PCDHA3: variants seen among roughly 807,000 people sequenced by gnomAD.
The protein encoded by PCDHA3 is protocadherin alpha-3.
In PCDHA3, 41 loss-of-function variants were observed where a neutral mutation model predicts 62.2. The observed-to-expected ratio is 0.66, with a 90% CI of 0.51 to 0.86. The LOEUF (loss-of-function observed/expected upper bound fraction) is 0.86, where lower values mean the gene tolerates loss of function less well. Ranked by LOEUF, PCDHA3 falls within the 40% of genes least tolerant of loss-of-function variation. The probability of loss-of-function intolerance (pLI) is 0.00; values close to 1 mark genes in which losing one functional copy is unlikely to be tolerated. For missense variants in PCDHA3, 1,304 were observed against 1,241.2 expected, an observed-to-expected ratio of 1.05 and a Z score of -0.76; for synonymous variants, 640 against 555.4, an observed-to-expected ratio of 1.15 and a Z score of -2.14.
chr5:140,830,065 G>T (rs1274600661), intron 1 of PCDHA3: 1 of 1,613,614 alleles, frequency 6.2e-7, no homozygotes, highest in African/African-American at 1.3e-5. Context: ...GTGAGCCGGC[G>T]CTGACAGCGA....
In PCDHA3 at chr5:140,944,191, G is replaced by T. The variant is rs181232402; in HGVS notation, c.2395-34758G>T. The stretch of plus-strand genomic sequence containing the variant: ...GGCTGGTTTTTTGTTGGTTTGTTTT[G>T]TTTTGTTTTGTTTTTAAAGAGGGTT... On this transcript the variant is annotated intron_variant, in intron 1 of 3. Coordinates refer to ENST00000522353, the MANE Select transcript of PCDHA3 (RefSeq NM_018906.3). 9.2e-5 allele frequency among the ~76,000 whole-genome samples: 14 copies of T among 152,098 alleles called. No individual in the cohort carries two copies. The East Asian group carries it at 2.5e-3, about 27-fold the overall frequency.
intron 1 of PCDHA3, chr5:140,858,898 G>A (rs1260279768): frequency 4.9e-6 from 1 of 204,806 alleles, no homozygotes; most frequent in East Asian, 1.4e-4. Context: ...AATATGTGTA[G>A]CGTACCACAG....
chr5:141,000,395 C>CTCTA (rs1213762225), intron 3 of PCDHA3, among the ~76,000 whole-genome samples: 16 of 53,972 alleles, frequency 3.0e-4, no homozygotes, highest in East Asian at 6.1e-4. Context: ...CTCTCTCTCT[C>CTCTA]TATATATATA....
intron 1 of PCDHA3, chr5:140,869,367 T>G (rs2051076893): frequency 6.2e-7 from 1 of 1,614,002 alleles, no homozygotes; most frequent in South Asian, 1.1e-5. Context: ...TTGTGAATTC[T>G]CGGATCGACC....
intron 1 of PCDHA3, chr5:140,883,169 G>C (rs1554177001): frequency 6.2e-7 from 1 of 1,613,950 alleles, no homozygotes; most frequent in Admixed American, 1.7e-5. Flanking sequence ...GAACAATGGA[G>C]AAATTAGGAC....
chr5:141,000,926 G>T (rs1554257936), intron 3 of PCDHA3, among the ~76,000 whole-genome samples: 1 of 151,956 alleles, frequency 6.6e-6, no homozygotes, highest in Non-Finnish European at 1.5e-5. Flanking sequence ...AAAATCCTGT[G>T]TGATTTAGGA....
chr5:140,859,326 A>G (rs2045811679), intron 1 of PCDHA3: 1 of 227,460 alleles, frequency 4.4e-6, no homozygotes, highest in East Asian at 1.7e-4. Context: ...GTTTGAGGAG[A>G]AAATAAAATT....
chr5:140,891,612 T>C (rs182874243), intron 1 of PCDHA3, among the ~76,000 whole-genome samples: 2 of 152,350 alleles, frequency 1.3e-5, no homozygotes, highest in Admixed American at 1.3e-4. Context: ...TTCTACCTTT[T>C]ATTTTAACAC....
intron 1 of PCDHA3, chr5:140,928,228 C>T: frequency 6.2e-7 from 1 of 1,614,218 alleles, no homozygotes; most frequent in Non-Finnish European, 8.5e-7. Context: ...ACCAAACTTT[C>T]CTCAACCCCA....
intron 1 of PCDHA3, among the ~76,000 whole-genome samples, chr5:140,972,279 A>G (rs568636203): frequency 3.3e-5 from 5 of 150,992 alleles, no homozygotes; most frequent in South Asian, 4.2e-4. Context: ...AGCTTGGACC[A>G]TAGATGTGCG....
At chr5:140,852,957 C>A in intron 1 of PCDHA3, 1 of 439,404 alleles carries the variant, frequency 2.3e-6, no homozygotes, top group Non-Finnish European at 3.1e-6. Flanking sequence ...TGGCTCACTC[C>A]AAGCTCCCCC....
At chr5:140,967,934 A>G (rs781977227) in intron 1 of PCDHA3, 4 of 1,614,172 alleles carry the variant, frequency 2.5e-6, no homozygotes, top group Non-Finnish European at 2.5e-6. Flanking sequence ...TCTCAGTGTC[A>G]ATGACCAAGA....
intron 1 of PCDHA3, among the ~76,000 whole-genome samples, chr5:140,974,319 G>A (rs781949857): frequency 1.8e-4 from 27 of 152,198 alleles, no homozygotes; most frequent in Non-Finnish European, 3.5e-4. Flanking sequence ...TGAGAGAGTA[G>A]CTGCTGTGCT....
rs1581752525 is a variant in PCDHA3 at position 140,818,154 on chromosome 5, C to G, written c.2394+14563C>G. On this transcript the variant is annotated intron_variant, in intron 1 of 3. Coordinates refer to ENST00000522353, the MANE Select transcript of PCDHA3 (RefSeq NM_018906.3). ...AGCAGTATGCCTTCAAATACGGCTT[C>G]TACTTCATATTTTCTCTTATATTCT... Among the ~76,000 whole-genome samples the G allele has an allele frequency of 2.0e-5, 3 of 152,284 alleles. No individual in the cohort carries two copies. In the South Asian group the frequency reaches 6.2e-4, roughly 32 times the overall value.
chr5:140,858,565 T>C (rs782424378), intron 1 of PCDHA3: 1 of 1,375,216 alleles, frequency 7.3e-7, no homozygotes, highest in South Asian at 1.3e-5. Flanking sequence ...ATATTTCTAG[T>C]GATACCTTTG....
chr5:140,888,270 G>A (rs965190959), intron 1 of PCDHA3, among the ~76,000 whole-genome samples: 9 of 152,102 alleles, frequency 5.9e-5, no homozygotes. Flanking sequence ...ATAAGAAACA[G>A]TTTTGTCCCC....
chr5:140,801,080 G>A lies in PCDHA3; in HGVS notation c.-118G>A. The A allele has an allele frequency of 1.3e-6, 2 of 1,481,496 alleles. No individual in the cohort carries two copies. Among genetic ancestry groups the A allele is most frequent in the Non-Finnish European group, 8.9e-7 (1 of 1,122,964 alleles). 91.8% of individuals were successfully genotyped at this position (1,481,496 alleles called of 1,614,324 possible). A position where few individuals can be genotyped will look rare whatever the true frequency, so the allele number is the denominator to read the frequency against. On this transcript the variant is annotated 5_prime_UTR_variant, in exon 1 of 4. Transcript: ENST00000522353. ...GCATTACGTATTCAGATACTGCTTTGCTTCATCCTCTCTAAAATTTAACAC... is the reference window on the plus strand; with the variant it reads ...GCATTACGTATTCAGATACTGCTTTACTTCATCCTCTCTAAAATTTAACAC...
chr5:140,993,462 T>TCACACACACACA (rs3836747), intron 3 of PCDHA3, among the ~76,000 whole-genome samples: 55 of 141,044 alleles, frequency 3.9e-4, no homozygotes, highest in Non-Finnish European at 5.3e-4. Context: ...TCTTTCTTTC[T>TCACACACACACA]CACACACACA....
rs202007975 is a variant in PCDHA3 at position 140,850,558 on chromosome 5, G to A, written c.2394+46967G>A. The A allele has an allele frequency of 5.2e-4, 834 of 1,598,326 alleles. 75 individuals carry two copies. The highest frequency in any genetic ancestry group is 6.1e-4 in the Non-Finnish European group (716 of 1,167,818). ...TCGCGGGCGTCAGTGGGTGCCACGGGCCCCGAGGTGACGCTGGTGGATGTC... is the reference window on the plus strand; with the variant it reads ...TCGCGGGCGTCAGTGGGTGCCACGGACCCCGAGGTGACGCTGGTGGATGTC... On this transcript the variant is annotated intron_variant, in intron 1 of 3. Transcript: ENST00000522353.
Sources: allele counts gnomAD v4.1 joint callset (sites outside exome capture counted in the v4.1 genomes callset), GRCh38; gene constraint gnomAD v4.1.1; transcripts MANE v1.5; gene names NCBI Gene and HGNC (gene_info 2026-07-23, HGNC 2026-07-21).